The following CCDC38 variants were observed in gnomAD, a reference collection of about 807,000 sequenced individuals.
CCDC38 encodes coiled-coil domain containing 38.
A neutral mutation model predicts 72.8 loss-of-function variants in CCDC38; 69 were observed. The ratio of observed to expected loss-of-function variants is 0.95; its 90% CI spans 0.78 to 1.16. The LOEUF (loss-of-function observed/expected upper bound fraction) is 1.16. Ranked by LOEUF, CCDC38 falls within the 50% of genes most tolerant of loss-of-function variation. The probability of loss-of-function intolerance (pLI) is 0.00; values close to 1 mark genes in which losing one functional copy is unlikely to be tolerated. For missense variants in CCDC38, 626 were observed against 638.9 expected, an observed-to-expected ratio of 0.98 and a Z score of 0.22; for synonymous variants, 201 against 213.2, an observed-to-expected ratio of 0.94 and a Z score of 0.50.
intron 8 of CCDC38, among the ~76,000 whole-genome samples, chr12:95,891,552 T>C (rs1286827777): frequency 6.6e-6 from 1 of 152,170 alleles, no homozygotes; most frequent in African/African-American, 2.4e-5. Flanking sequence ...TTCACCATGT[T>C]GCCCAGGCTG....
intron 4 of CCDC38, among the ~76,000 whole-genome samples, chr12:95,916,872 C>T (rs1400094953): frequency 6.6e-6 from 1 of 152,084 alleles, no homozygotes; most frequent in East Asian, 1.9e-4. Flanking sequence ...CTTTTGCAAA[C>T]TTTAATACTA....
At chr12:95,917,333 C>T (rs1185174327) in intron 3 of CCDC38, 39 bp from the exon 4 acceptor site, 2 of 1,476,216 alleles carry the variant, frequency 1.4e-6, no homozygotes, top group African/African-American at 2.9e-5. Flanking sequence ...TTTTAATATA[C>T]CAAAGTATGT....
intron 4 of CCDC38, among the ~76,000 whole-genome samples, chr12:95,915,745 G>A (rs2080137590): frequency 6.6e-6 from 1 of 152,136 alleles, no homozygotes; most frequent in African/African-American, 2.4e-5. Flanking sequence ...CTGTGCAATT[G>A]GCAGAAACTG....
chr12:95,919,114 T>C (rs950301580), intron 2 of CCDC38, 138 bp from the exon 3 acceptor site: 19 of 608,550 alleles, frequency 3.1e-5, no homozygotes, highest in Non-Finnish European at 5.5e-5. Flanking sequence ...AGAAAAACTT[T>C]GGCCGAATTA....
chr12:95,882,455 A>G (rs1280673290), intron 10 of CCDC38, among the ~76,000 whole-genome samples: 1 of 152,158 alleles, frequency 6.6e-6, no homozygotes, highest in African/African-American at 2.4e-5. Flanking sequence ...TAAGGAAAAG[A>G]TTAATATTTG....
At chr12:95,938,690 C>T (rs941678988) in intron 1 of CCDC38, among the ~76,000 whole-genome samples, 2 of 152,044 alleles carry the variant, frequency 1.3e-5, no homozygotes, top group African/African-American at 2.4e-5. Context: ...GGTTGGTGAA[C>T]AAAAGGGAGG....
chr12:95,891,929 C>T (rs2079831411), intron 8 of CCDC38, among the ~76,000 whole-genome samples: 1 of 152,126 alleles, frequency 6.6e-6, no homozygotes, highest in African/African-American at 2.4e-5. Flanking sequence ...GTTGTAAATG[C>T]TCCTATCCTG....
rs938551953 is a variant in CCDC38 at position 95,872,254 on chromosome 12, CTTT to C, written c.1482_1484del (p.Lys495del). ...GTCATTCTTATCCTTATTGACTGTA[CTTT>C]TGCCGCCATTCTTTCTGTTTCATCC... On this transcript the variant is annotated inframe_deletion and splice_region_variant, in exon 14 of 16. Transcript: ENST00000344280. 2.5e-6 allele frequency: 4 copies of C among 1,613,902 alleles called. No homozygotes were observed. The African/African-American group carries it at 5.3e-5, about 22-fold the overall frequency.
At chr12:95,928,180 C>A (rs1376850985) in intron 2 of CCDC38, among the ~76,000 whole-genome samples, 1 of 152,004 alleles carries the variant, frequency 6.6e-6, no homozygotes, top group Non-Finnish European at 1.5e-5. Context: ...GTACACCAAT[C>A]AGACGTAGAT....
At chr12:95,924,352 T>C (rs1399160868) in intron 2 of CCDC38, among the ~76,000 whole-genome samples, 2 of 147,576 alleles carry the variant, frequency 1.4e-5, no homozygotes, top group African/African-American at 2.5e-5. Context: ...TTTTGAGAAG[T>C]GTCTGTTCAT....
intron 5 of CCDC38, among the ~76,000 whole-genome samples, chr12:95,900,182 C>A (rs933615137): frequency 6.6e-6 from 1 of 152,116 alleles, no homozygotes; most frequent in Admixed American, 6.5e-5. Context: ...TGGTGTGTCC[C>A]AGGAACAGCA....
intron 4 of CCDC38, among the ~76,000 whole-genome samples, chr12:95,912,936 C>T (rs1000637732): frequency 6.6e-6 from 1 of 152,014 alleles, no homozygotes; most frequent in Non-Finnish European, 1.5e-5. Context: ...TCGTGTGTGC[C>T]TGTAGTCCCA....
intron 4 of CCDC38, among the ~76,000 whole-genome samples, chr12:95,911,007 G>A (rs368494963): frequency 3.9e-5 from 6 of 152,092 alleles, no homozygotes; most frequent in African/African-American, 4.8e-5. Flanking sequence ...CAAGGCTACC[G>A]TAACAAAAAC....
At chr12:95,881,352 T>C (rs546699435) in intron 11 of CCDC38, 133 bp downstream of exon 11, 2 of 593,752 alleles carry the variant, frequency 3.4e-6, no homozygotes, top group Admixed American at 3.5e-5. Flanking sequence ...TGGAGAATAG[T>C]ATCAAAATTA....
At position 95,921,586 on chromosome 12, in the gene CCDC38, C is replaced by T. The variant is rs374580880; in HGVS notation, c.38-2610G>A. ...ACTATCACAAGAGCATGGGGGAAAA[C>T]GCCCCCATGATCCAATCACCTCTCT... On this transcript the variant is annotated intron_variant, in intron 2 of 15. Coordinates refer to ENST00000344280, the MANE Select transcript of CCDC38 (RefSeq NM_182496.3). 1.7e-4 allele frequency among the ~76,000 whole-genome samples: 26 copies of T among 152,144 alleles called. No homozygotes were observed. The South Asian group carries it at 2.5e-3, about 15-fold the overall frequency.
chr12:95,889,897 C>CTTTATTTATTTA (rs10672045), intron 9 of CCDC38, among the ~76,000 whole-genome samples: 2 of 150,284 alleles, frequency 1.3e-5, no homozygotes, highest in East Asian at 2.0e-4. Flanking sequence ...GCTTATTTTA[C>CTTTATTTATTTA]TTTATTTATT....
At chr12:95,929,217 C>A (rs543547145) in intron 2 of CCDC38, among the ~76,000 whole-genome samples, 14 of 152,310 alleles carry the variant, frequency 9.2e-5, no homozygotes, top group Admixed American at 3.3e-4. Flanking sequence ...ACCCTCTGAG[C>A]CAGGTGCGGG....
intron 15 of CCDC38, among the ~76,000 whole-genome samples, chr12:95,868,717 G>A (rs2079549483): frequency 6.6e-6 from 1 of 152,174 alleles, no homozygotes; most frequent in East Asian, 1.9e-4. Context: ...TCCCAGAGGA[G>A]GGAAAGAGTG....
chr12:95,890,540 C>T (rs778479911), intron 9 of CCDC38, among the ~76,000 whole-genome samples: 4 of 152,226 alleles, frequency 2.6e-5, no homozygotes, highest in East Asian at 1.9e-4. Flanking sequence ...GGCAGGTCCG[C>T]GCCAGAGAAA....
Sources: gnomAD v4.1 joint callset for allele counts (sites outside exome capture counted in the v4.1 genomes callset) on GRCh38, gnomAD v4.1.1 for gene constraint, MANE v1.5 for transcripts, NCBI Gene and HGNC (gene_info 2026-07-23, HGNC 2026-07-21) for gene names.